The following DRC7 variants were observed in gnomAD, a reference collection of about 807,000 sequenced individuals.
DRC7 encodes the protein coiled-coil domain containing 135.
In DRC7, 80 loss-of-function variants were observed where a neutral mutation model predicts 104.4. That is an observed-to-expected ratio of 0.77 (90% CI 0.64 to 0.92). DRC7 has a LOEUF of 0.92. DRC7 is among the 40% of genes least tolerant of loss of function. The pLI is 0.00. For synonymous variants in DRC7, 405 were observed against 447.3 expected, an observed-to-expected ratio of 0.91 and a Z score of 1.19; for missense variants, 1,034 against 1,141.1, an observed-to-expected ratio of 0.91 and a Z score of 1.35.
At chr16:57,721,961 C>T (rs952684155) in intron 10 of DRC7, among the ~76,000 whole-genome samples, 9 of 145,050 alleles carry the variant, frequency 6.2e-5, no homozygotes, top group African/African-American at 2.2e-4. Flanking sequence ...GCACACGGGG[C>T]GATGCAGTTC....
At chr16:57,724,585 G>A (rs1253660184) in intron 12 of DRC7, 30 bp from the exon 13 acceptor site, 2 of 1,530,670 alleles carry the variant, frequency 1.3e-6, no homozygotes, top group Non-Finnish European at 1.8e-6. Flanking sequence ...TTATGAAGCT[G>A]TCTCCTCCCA....
rs1420871870 is a variant in DRC7, at chr16:57,728,392, G to A, written c.2199G>A (p.Glu733=). ...CTATCTGCCCCTCACCTTTACAGGA[G>A]CGCATGATGCACGAAGAGCACCTGC... ...EKSKEYREAM[E]RMMHEEHLRQ... Residue 733 remains glutamate, a splice_region_variant and synonymous_variant, in exon 17 of 19, where the codon GAG becomes GAA. Coordinates refer to ENST00000360716, the MANE Select transcript of DRC7 (RefSeq NM_001289162.2). The A allele has an allele frequency of 4.4e-6, 7 of 1,593,642 alleles. No individual in the cohort carries two copies. The Admixed American group carries it at 8.6e-5, about 20-fold the overall frequency.
intron 16 of DRC7, 42 bp from the exon 17 acceptor site, chr16:57,728,348 G>C (rs760075305): frequency 6.5e-7 from 1 of 1,527,424 alleles, no homozygotes; most frequent in Non-Finnish European, 8.9e-7. Flanking sequence ...AGAGGTCTCT[G>C]TAGTTCCTGC....
At position 57,707,292 on chromosome 16, in the gene DRC7, A is replaced by T. The variant is rs193084388; in HGVS notation, c.859-168A>T. On this transcript the variant is annotated intron_variant, in intron 7 of 18. Coordinates refer to ENST00000360716, the MANE Select transcript of DRC7 (RefSeq NM_001289162.2). ...TTGTTTTGATTTTACAAATGGGCTC[A>T]GTGGTTGGGTGATGGGAGGGGAGAT... Among the ~76,000 whole-genome samples the T allele has an allele frequency of 5.3e-5, 8 of 152,312 alleles. No homozygotes were observed. The East Asian group carries it at 1.5e-3, about 29-fold the overall frequency.
At position 57,695,193 on chromosome 16, in the gene DRC7, G is replaced by A. The variant is rs186076196; in HGVS notation, c.-169+341G>A. ...TCTGATGGTGTTCTGGGACTGACAC[G>A]TCGGCTTCCTCTTCAGCCTACTTCT... On this transcript the variant is annotated intron_variant, in intron 1 of 18. Coordinates refer to ENST00000360716, the MANE Select transcript of DRC7 (RefSeq NM_001289162.2). 4.1e-5 allele frequency among the ~76,000 whole-genome samples: 5 copies of A among 121,814 alleles called. No individual in the cohort carries two copies. The East Asian group carries it at 6.1e-4, about 15-fold the overall frequency. The allele number at this position is 121,814 out of a possible 152,430, so 79.9% of individuals were successfully genotyped here. A position where few individuals can be genotyped will look rare whatever the true frequency, so the allele number is the denominator to read the frequency against.
chr16:57,702,561 G>A (rs1567873251), intron 6 of DRC7, among the ~76,000 whole-genome samples: 1 of 152,228 alleles, frequency 6.6e-6, no homozygotes, highest in Non-Finnish European at 1.5e-5. Flanking sequence ...CACTTTGGGA[G>A]TCCAAGGCGA....
intron 8 of DRC7, among the ~76,000 whole-genome samples, chr16:57,717,576 G>A (rs1176027398): frequency 6.6e-6 from 1 of 151,820 alleles, no homozygotes; most frequent in Non-Finnish European, 1.5e-5. Flanking sequence ...GCATGTGCCT[G>A]TAATCCCAGC....
chr16:57,708,205 C>T (rs2148746245), intron 8 of DRC7, among the ~76,000 whole-genome samples: 1 of 152,264 alleles, frequency 6.6e-6, no homozygotes, highest in East Asian at 1.9e-4. Context: ...TTATCACACA[C>T]TGAACACACC....
intron 14 of DRC7, 155 bp from the exon 15 acceptor site, chr16:57,726,677 T>C (rs1056501296): frequency 8.0e-5 from 46 of 577,384 alleles, no homozygotes; most frequent in Non-Finnish European, 1.4e-4. Context: ...TTATTATCTG[T>C]ATTTTTATAA....
intron 8 of DRC7, among the ~76,000 whole-genome samples, chr16:57,712,117 C>T (rs1439070480): frequency 2.0e-5 from 3 of 152,192 alleles, no homozygotes; most frequent in Non-Finnish European, 2.9e-5. Flanking sequence ...AACTAAGTTT[C>T]TCCCAAAGTT....
chr16:57,727,179 C>G (rs1326057053), intron 15 of DRC7, 120 bp from the exon 16 acceptor site: 18 of 826,142 alleles, frequency 2.2e-5, no homozygotes, highest in Admixed American at 4.2e-5. Context: ...CCATTTTGCC[C>G]AGGCTGGTCT....
At chr16:57,698,268 G>A in intron 3 of DRC7, 116 bp downstream of exon 3, 1 of 1,476,000 alleles carries the variant, frequency 6.8e-7, no homozygotes, top group Non-Finnish European at 9.1e-7. Context: ...GAGGGAAGCA[G>A]TTATGAGTGA....
intron 5 of DRC7, among the ~76,000 whole-genome samples, chr16:57,700,498 T>C (rs2148731580): frequency 6.6e-6 from 1 of 151,950 alleles, no homozygotes; most frequent in Middle Eastern, 3.4e-3. Context: ...AATACAAAAA[T>C]TAGCAGGGCG....
Position 57,726,187 on chromosome 16 carries a change from C to T in DRC7, c.1878C>T (p.His626=). The change falls in exon 14 of 19, where the codon CAC becomes CAT. Residue 626 remains histidine (H), a synonymous_variant. Coordinates refer to ENST00000360716, the MANE Select transcript of DRC7 (RefSeq NM_001289162.2). ...IQLRYHCRED[H]ITASKREFLR... The stretch of plus-strand genomic sequence containing the variant: ...TGCGCTACCACTGCCGTGAGGACCA[C>T]ATCACGGCCTCCAAGCGCGAGTTCC... 1 of 1,613,262 alleles carries T rather than the reference C, an allele frequency of 6.2e-7. No homozygotes were observed. Among genetic ancestry groups the T allele is most frequent in the Non-Finnish European group, 8.5e-7 (1 of 1,180,022 alleles).
chr16:57,711,614 A>C (rs2048792023), intron 8 of DRC7, among the ~76,000 whole-genome samples: 1 of 152,222 alleles, frequency 6.6e-6, no homozygotes, highest in African/African-American at 2.4e-5. Context: ...GCCTAGACAG[A>C]GCTGATTCAA....
In DRC7 at chr16:57,726,930, G is replaced by T; in HGVS notation, c.2073G>T (p.Glu691Asp). Reference protein sequence around the residue: ...EEKLSRHQVWESELEVLEILK... With the variant: ...EEKLSRHQVWDSELEVLEILK... ...AGCTGTCCAGACATCAGGTCTGGGA[G>T]TCAGAGCTGGAGGTAGGGTCCTGTG... Residue 691 changes from glutamate to aspartate, a missense_variant, in exon 15 of 19, where the codon GAG becomes GAT. Glu to Asp is a conservative substitution (Grantham distance 45, BLOSUM62 2). Transcript: ENST00000360716. 6.2e-7 allele frequency: 1 copy of T among 1,605,396 alleles called. No homozygotes were observed. The highest frequency in any genetic ancestry group is 2.2e-5 in the East Asian group (1 of 44,820).
intron 17 of DRC7, among the ~76,000 whole-genome samples, chr16:57,730,459 A>G (rs951203933): frequency 2.6e-5 from 4 of 152,028 alleles, no homozygotes; most frequent in Non-Finnish European, 5.9e-5. Flanking sequence ...AGATGGGCAG[A>G]TGGCTGGGTA....
chr16:57,710,365 T>C (rs1386750368), intron 8 of DRC7, among the ~76,000 whole-genome samples: 1 of 152,254 alleles, frequency 6.6e-6, no homozygotes, highest in Non-Finnish European at 1.5e-5. Flanking sequence ...TGATCTTCTA[T>C]CCTGAAATCT....
At chr16:57,710,487 ATGCTTT>A (rs1281021602) in intron 8 of DRC7, among the ~76,000 whole-genome samples, 8 of 152,176 alleles carry the variant, frequency 5.3e-5, no homozygotes, top group Non-Finnish European at 7.3e-5. Flanking sequence ...TCCCATCTGG[ATGCTTT>A]TCTTCCCTTA....
Sources: allele counts gnomAD v4.1 joint callset (sites outside exome capture counted in the v4.1 genomes callset), GRCh38; gene constraint gnomAD v4.1.1; transcripts MANE v1.5; gene names NCBI Gene and HGNC (gene_info 2026-07-23, HGNC 2026-07-21).